Variants in GRAMD2B observed in about 807,000 individuals in gnomAD.
The protein encoded by GRAMD2B is GRAM domain containing 2B.
A neutral mutation model predicts 59.2 loss-of-function variants in GRAMD2B; 41 were observed. The observed-to-expected ratio is 0.69, with a 90% confidence interval of 0.54 to 0.90. The LOEUF (loss-of-function observed/expected upper bound fraction) is 0.90, where lower values mean the gene tolerates loss of function less well. Among genes scored for constraint, GRAMD2B ranks in the 40% least tolerant of loss-of-function variants. The probability of loss-of-function intolerance (pLI) is 0.00; values close to 1 mark genes in which losing one functional copy is unlikely to be tolerated. For missense variants in GRAMD2B, 424 were observed against 500.5 expected, an observed-to-expected ratio of 0.85 and a Z score of 1.46; for synonymous variants, 161 against 182.7, an observed-to-expected ratio of 0.88 and a Z score of 0.96.
intron 1 of GRAMD2B, among the ~76,000 whole-genome samples, chr5:126,401,285 G>T (rs1757811830): frequency 6.6e-6 from 1 of 151,636 alleles, no homozygotes; most frequent in Non-Finnish European, 1.5e-5. Context: ...GAATTTGTTT[G>T]GTTCTTTTTT....
intron 1 of GRAMD2B, among the ~76,000 whole-genome samples, chr5:126,428,721 TG>T (rs1397690362): frequency 6.6e-6 from 1 of 152,042 alleles, no homozygotes; most frequent in Non-Finnish European, 1.5e-5. Flanking sequence ...GAAGTTTAAA[TG>T]GGAAATGTAA....
chr5:126,374,660 T>C (rs755230908), intron 1 of GRAMD2B, among the ~76,000 whole-genome samples: 1 of 152,212 alleles, frequency 6.6e-6, no homozygotes, highest in Non-Finnish European at 1.5e-5. Flanking sequence ...TGTGTTTTCC[T>C]TTCAAACTAG....
rs73338027 is a variant in GRAMD2B at position 126,464,493 on chromosome 5, G to A, written c.84-933G>A. On this transcript the variant is annotated intron_variant, in intron 1 of 13. Transcript: ENST00000285689. ...GCTTCCCAAGAGATCTTCACCGGCC[G>A]ACTGAGGGAACTCACCTCTGCATCC... Among the ~76,000 whole-genome samples the A allele has an allele frequency of 5.0e-3, 759 of 152,180 alleles. 5 individuals are homozygous for A. The highest frequency in any genetic ancestry group is 0.017 in the African/African-American group (711 of 41,508).
intron 1 of GRAMD2B, among the ~76,000 whole-genome samples, chr5:126,409,575 G>A (rs905625814): frequency 2.2e-4 from 33 of 151,842 alleles, no homozygotes; most frequent in African/African-American, 7.5e-4. Context: ...TTCATTGTAG[G>A]TTCTGGATAT....
At chr5:126,372,123 A>G (rs1317572684) in intron 1 of GRAMD2B, among the ~76,000 whole-genome samples, 1 of 152,206 alleles carries the variant, frequency 6.6e-6, no homozygotes, top group Non-Finnish European at 1.5e-5. Context: ...TATCCAAATC[A>G]GCACATTAAT....
At chr5:126,488,548 C>T (rs764891473) in intron 12 of GRAMD2B, among the ~76,000 whole-genome samples, 1 of 152,264 alleles carries the variant, frequency 6.6e-6, no homozygotes, top group East Asian at 1.9e-4. Flanking sequence ...TGTTTAGAAG[C>T]CGAAACACAC....
intron 1 of GRAMD2B, 141 bp from the exon 2 acceptor site, chr5:126,465,285 G>A (rs1320293130): frequency 3.3e-6 from 5 of 1,500,996 alleles, no homozygotes; most frequent in Non-Finnish European, 4.4e-6. Flanking sequence ...TTGGGAAAGG[G>A]CCTCGCTGTC....
intron 1 of GRAMD2B, among the ~76,000 whole-genome samples, chr5:126,415,245 C>T (rs1759165897): frequency 6.6e-6 from 1 of 152,146 alleles, no homozygotes; most frequent in Non-Finnish European, 1.5e-5. Flanking sequence ...ATGGTCAGCC[C>T]TTTTCCTTTC....
In GRAMD2B at chr5:126,389,701, A is replaced by C. The variant is rs146281165; in HGVS notation, c.125+18134A>C. Among the ~76,000 whole-genome samples the C allele has an allele frequency of 7.7e-3, 1,175 of 152,338 alleles. 15 individuals carry two copies. The highest frequency in any genetic ancestry group is 0.027 in the African/African-American group (1,121 of 41,570). ...CGTGGCTCACACCTGTAATCCCAGC[A>C]CTTTGGGAGGCTGAGGTGGGTGGAT... On this transcript the variant is annotated intron_variant, in intron 1 of 8. Transcript: ENST00000506445.
At chr5:126,469,362 C>T (rs1028035552) in intron 2 of GRAMD2B, among the ~76,000 whole-genome samples, 2 of 152,068 alleles carry the variant, frequency 1.3e-5, no homozygotes, top group Non-Finnish European at 2.9e-5. Flanking sequence ...ATCTCATAGG[C>T]CAGGTGTGGT....
At chr5:126,372,631 T>G (rs188278301) in intron 1 of GRAMD2B, among the ~76,000 whole-genome samples, 1 of 152,316 alleles carries the variant, frequency 6.6e-6, no homozygotes, top group Admixed American at 6.5e-5. Flanking sequence ...TATTTTCAAG[T>G]TACTTAATTT....
chr5:126,469,639 A>T (rs1412795047), intron 2 of GRAMD2B, 38 bp from the exon 3 acceptor site: 1 of 1,460,524 alleles, frequency 6.8e-7, no homozygotes, highest in Admixed American at 1.9e-5. Context: ...TCTCAAAAAA[A>T]AATTATCTTA....
chr5:126,413,082 A>G (rs1025425670), intron 1 of GRAMD2B, among the ~76,000 whole-genome samples: 1 of 152,056 alleles, frequency 6.6e-6, no homozygotes, highest in African/African-American at 2.4e-5. Context: ...GATTCTTTGA[A>G]TGGAATTCAG....
intron 6 of GRAMD2B, among the ~76,000 whole-genome samples, chr5:126,478,140 GAAA>G (rs11376080): frequency 1.6e-5 from 2 of 126,872 alleles, no homozygotes; most frequent in Non-Finnish European, 1.6e-5. Context: ...GTCTTAAAGG[GAAA>G]AAAAAAAAAA....
intron 3 of GRAMD2B, among the ~76,000 whole-genome samples, chr5:126,470,203 A>G (rs1056729170): frequency 6.6e-6 from 1 of 152,220 alleles, no homozygotes; most frequent in Non-Finnish European, 1.5e-5. Flanking sequence ...ACCTTTGAAC[A>G]GGGTCAGGAT....
intron 1 of GRAMD2B, among the ~76,000 whole-genome samples, chr5:126,448,930 G>A (rs1764836033): frequency 6.6e-6 from 1 of 152,210 alleles, no homozygotes; most frequent in African/African-American, 2.4e-5. Flanking sequence ...GCCTGCATGA[G>A]GGTTAGTGTG....
chr5:126,464,583 T>C (rs528508851), intron 1 of GRAMD2B, among the ~76,000 whole-genome samples: 18 of 152,270 alleles, frequency 1.2e-4, no homozygotes, highest in African/African-American at 4.3e-4. Flanking sequence ...CCTTCCCCTC[T>C]ACTCCCTTCC....
chr5:126,474,028 G>T (rs1030968165), intron 5 of GRAMD2B, among the ~76,000 whole-genome samples: 2 of 152,200 alleles, frequency 1.3e-5, no homozygotes, highest in East Asian at 3.8e-4. Flanking sequence ...AATTGGCACT[G>T]CCCTCTAAAC....
chr5:126,444,627 T>C (rs1288295920), intron 1 of GRAMD2B, among the ~76,000 whole-genome samples: 1 of 152,260 alleles, frequency 6.6e-6, no homozygotes, highest in Non-Finnish European at 1.5e-5. Flanking sequence ...TTACAAACCT[T>C]GTAAAGTCTC....
Sources: gnomAD v4.1 joint callset for allele counts (sites outside exome capture counted in the v4.1 genomes callset) on GRCh38, gnomAD v4.1.1 for gene constraint, MANE v1.5 for transcripts, NCBI Gene and HGNC (gene_info 2026-07-23, HGNC 2026-07-21) for gene names.